Variants in IL1RAPL1 observed in about 807,000 individuals in gnomAD.
IL1RAPL1 encodes interleukin 1 receptor accessory protein like 1.
In IL1RAPL1, 3 loss-of-function variants were observed where a neutral mutation model predicts 48.4. The ratio of observed to expected loss-of-function variants is 0.06; its 90% CI spans 0.03 to 0.16. The LOEUF is 0.16. Ranked by LOEUF, IL1RAPL1 falls within the 10% of genes least tolerant of loss-of-function variation. IL1RAPL1 has a pLI of 1.00. For synonymous variants in IL1RAPL1, 185 were observed against 187.7 expected, an observed-to-expected ratio of 0.99 and a Z score of 0.12; for missense variants, 349 against 530.6, an observed-to-expected ratio of 0.66 and a Z score of 3.36.
Position 28,765,799 on chromosome X carries a change from C to G in IL1RAPL1, c.-24-23521C>G, listed in dbSNP as rs183901416. On this transcript the variant is annotated intron_variant, in intron 1 of 10. Transcript: ENST00000378993. ...CCACACTTTTTGGAAATTCAAGATTCCATAAAATATAGTTTGAAAAACACA... is the reference window on the plus strand; with the variant it reads ...CCACACTTTTTGGAAATTCAAGATTGCATAAAATATAGTTTGAAAAACACA... 7.1e-3 allele frequency among the ~76,000 whole-genome samples: 792 copies of G among 111,996 alleles called. 8 individuals carry two copies. The highest frequency in any genetic ancestry group is 0.025 in the African/African-American group (764 of 30,851).
At chrX:28,825,040 G>C (rs1266226180) in intron 2 of IL1RAPL1, among the ~76,000 whole-genome samples, 2 of 111,441 alleles carry the variant, frequency 1.8e-5, no homozygotes, top group African/African-American at 6.5e-5. Flanking sequence ...AGGAGGATAT[G>C]TTCCACTGTG....
chrX:29,246,150 C>CT (rs761809643), intron 2 of IL1RAPL1, among the ~76,000 whole-genome samples: 24,701 of 52,002 alleles, frequency 0.48, 6,746 homozygotes, highest in Non-Finnish European at 0.63. Flanking sequence ...TCTCATCGCT[C>CT]TTTTTTTTTT....
rs757555315 is a variant in IL1RAPL1 at position 29,647,389 on chromosome X, C to T, written c.704-21041C>T. ...AAATACTCTAATACGGTAATGATGG[C>T]GTGTAAATTCCTTATATCTTTAGTA... On this transcript the variant is annotated intron_variant, in intron 5 of 10. Coordinates refer to ENST00000378993, the MANE Select transcript of IL1RAPL1 (RefSeq NM_014271.4). Among the ~76,000 whole-genome samples the T allele has an allele frequency of 8.3e-5, 9 of 108,444 alleles. No individual in the cohort carries two copies. In the South Asian group the frequency reaches 2.0e-3, roughly 24 times the overall value. The allele number at this position is 108,444 out of a possible 115,157, so 94.2% of individuals were successfully genotyped here. A position where few individuals can be genotyped will look rare whatever the true frequency, so the allele number is the denominator to read the frequency against.
intron 2 of IL1RAPL1, among the ~76,000 whole-genome samples, chrX:28,895,410 G>A (rs1922889717): frequency 9.4e-6 from 1 of 106,337 alleles, no homozygotes; most frequent in African/African-American, 3.5e-5. Context: ...AGATGGTAAG[G>A]GGTGCATGAT....
At chrX:29,608,763 T>A (rs1048410386) in intron 5 of IL1RAPL1, among the ~76,000 whole-genome samples, 1 of 102,900 alleles carries the variant, frequency 9.7e-6, no homozygotes, top group Non-Finnish European at 2.0e-5. Context: ...GAGGCGGAGC[T>A]TGCAGTGAGC....
chrX:29,095,608 G>C (rs1928196260), intron 2 of IL1RAPL1, among the ~76,000 whole-genome samples: 1 of 111,409 alleles, frequency 9.0e-6, no homozygotes, highest in Non-Finnish European at 1.9e-5. Context: ...AAGATTATCT[G>C]TTCATTGCAT....
At chrX:29,692,904 G>A (rs934658820) in intron 6 of IL1RAPL1, among the ~76,000 whole-genome samples, 1 of 111,664 alleles carries the variant, frequency 9.0e-6, no homozygotes, top group East Asian at 2.8e-4. Flanking sequence ...TTCTGCTGTT[G>A]GTATCTTTAG....
intron 6 of IL1RAPL1, among the ~76,000 whole-genome samples, chrX:29,809,096 T>G (rs1394007284): frequency 1.0e-5 from 1 of 96,819 alleles, no homozygotes; most frequent in Non-Finnish European, 2.0e-5. Flanking sequence ...TTTTTTTTTC[T>G]TTTTTTTTGG....
chrX:29,341,602 G>C (rs1355864546), intron 3 of IL1RAPL1, among the ~76,000 whole-genome samples: 2 of 111,046 alleles, frequency 1.8e-5, no homozygotes, highest in East Asian at 5.6e-4. Flanking sequence ...AGTGTAGTTG[G>C]AGCAAAGGAG....
chrX:29,058,077 G>A (rs1008150852), intron 2 of IL1RAPL1, among the ~76,000 whole-genome samples: 1 of 111,009 alleles, frequency 9.0e-6, no homozygotes, highest in Non-Finnish European at 1.9e-5. Context: ...AAATCATAAT[G>A]TTAAAAATAG....
intron 2 of IL1RAPL1, among the ~76,000 whole-genome samples, chrX:29,127,659 C>A (rs1242515681): frequency 9.0e-6 from 1 of 111,515 alleles, no homozygotes; most frequent in Admixed American, 9.5e-5. Flanking sequence ...CCCACAGGAT[C>A]TTTAAATTTA....
intron 2 of IL1RAPL1, among the ~76,000 whole-genome samples, chrX:28,969,148 A>C (rs1924994161): frequency 8.9e-6 from 1 of 111,935 alleles, no homozygotes; most frequent in African/African-American, 3.2e-5. Flanking sequence ...CTTGCTTTAA[A>C]CCAGATCTTG....
intron 1 of IL1RAPL1, among the ~76,000 whole-genome samples, chrX:28,786,572 T>A (rs1469939974): frequency 4.5e-5 from 5 of 112,078 alleles, no homozygotes; most frequent in African/African-American, 9.7e-5. Context: ...AATACTTACT[T>A]TGCAAATAAA....
intron 6 of IL1RAPL1, 109 bp from the exon 7 acceptor site, chrX:29,917,355 G>T (rs896568535): frequency 1.4e-5 from 10 of 696,912 alleles, no homozygotes; most frequent in Admixed American, 6.8e-5. Context: ...CTTTTAGAAA[G>T]ATATTTTATT....
intron 2 of IL1RAPL1, among the ~76,000 whole-genome samples, chrX:28,865,721 C>T (rs2147305175): frequency 8.9e-6 from 1 of 111,819 alleles, no homozygotes; most frequent in East Asian, 2.8e-4. Context: ...AAGAGATGAA[C>T]CTTCACAGAA....
chrX:29,741,436 C>G (rs959007738), intron 6 of IL1RAPL1, among the ~76,000 whole-genome samples: 6 of 111,540 alleles, frequency 5.4e-5, no homozygotes, highest in Non-Finnish European at 1.1e-4. Flanking sequence ...GGAACTTATT[C>G]CCATCATTTT....
intron 6 of IL1RAPL1, among the ~76,000 whole-genome samples, chrX:29,670,408 G>A (rs1486999102): frequency 9.0e-6 from 1 of 111,699 alleles, no homozygotes; most frequent in Non-Finnish European, 1.9e-5. Context: ...AGGAGCATGA[G>A]GTCTCTTTAA....
intron 2 of IL1RAPL1, among the ~76,000 whole-genome samples, chrX:29,176,679 A>T (rs62586206): frequency 5.5e-4 from 61 of 110,671 alleles, no homozygotes; most frequent in Non-Finnish European, 9.2e-4. Flanking sequence ...TCATTTCTGG[A>T]CTTACAAAGA....
In IL1RAPL1 at chrX:28,615,199, G is replaced by GTTTTTTT. The variant is rs778402885; in HGVS notation, c.-25+27181_-25+27187dup. Among the ~76,000 whole-genome samples, 72 of 26,014 alleles carry GTTTTTTT rather than the reference G, an allele frequency of 2.8e-3. 8 individuals carry two copies. Among genetic ancestry groups the GTTTTTTT allele is most frequent in the South Asian group, 6.6e-3 (2 of 302 alleles). The allele number at this position is 26,014 out of a possible 115,157, so 22.6% of individuals were successfully genotyped here. ...CACTGCGCCTGGCCAACTGTTGTCTGTTTTTTTTTTTTTTTTTTTTTTTTT... is the reference window on the plus strand; with the variant it reads ...CACTGCGCCTGGCCAACTGTTGTCTGTTTTTTTTTTTTTTTTTTTTTTTTTTTTTTTT... On this transcript the variant is annotated intron_variant, in intron 1 of 10. Transcript: ENST00000378993.
Sources: gnomAD v4.1 joint callset for allele counts (sites outside exome capture counted in the v4.1 genomes callset) on GRCh38, gnomAD v4.1.1 for gene constraint, MANE v1.5 for transcripts, NCBI Gene and HGNC (gene_info 2026-07-23, HGNC 2026-07-21) for gene names.